The following ASB3 variants were observed in gnomAD, a reference collection of about 807,000 sequenced individuals.
The protein encoded by ASB3 is ankyrin repeat and SOCS box containing 3.
Under a neutral mutation model 54.5 loss-of-function variants are expected in ASB3, and 41 were observed. The ratio of observed to expected loss-of-function variants is 0.75; its 90% CI spans 0.59 to 0.98. The LOEUF (loss-of-function observed/expected upper bound fraction) is 0.98, where lower values mean the gene tolerates loss of function less well. ASB3 is among the 50% of genes least tolerant of loss of function. The probability of loss-of-function intolerance (pLI) is 0.00; values close to 1 mark genes in which losing one functional copy is unlikely to be tolerated. For synonymous variants in ASB3, 266 were observed against 221.2 expected (o/e 1.20, Z -1.80); for missense variants, 733 against 620.0 (o/e 1.18, Z -1.94).
chr2:53,714,676 C>G (rs1670289563), intron 6 of ASB3, 95 bp from the exon 7 acceptor site: 1 of 1,261,646 alleles, frequency 7.9e-7, no homozygotes, highest in Non-Finnish European at 1.1e-6. Context: ...GAATTACCAA[C>G]TGATTCATTT....
rs1159373294 is a variant in ASB3 at position 53,729,503 on chromosome 2, G to T, written c.423C>A (p.Ser141=). 6.2e-7 allele frequency: 1 copy of T among 1,613,768 alleles called. No individual in the cohort carries two copies. The highest frequency in any genetic ancestry group is 1.7e-4 in the Middle Eastern group (1 of 6,058). The change falls in exon 4 of 10, where the codon TCC becomes TCA. Residue 141 remains serine (S), a synonymous_variant. Transcript: ENST00000263634. ...LLQHGANVNG[S]HSMCGWNSLH... ...AGGAGTTCCATCCACACATAGAATG[G>T]GATCCATTAACATTTGCTCCGTGTT...
chr2:53,730,916 A>T (rs1671271439), intron 3 of ASB3, among the ~76,000 whole-genome samples: 1 of 152,218 alleles, frequency 6.6e-6, no homozygotes, highest in Non-Finnish European at 1.5e-5. Flanking sequence ...CATTTGGATA[A>T]TGAGTCACAT....
At chr2:53,733,230 G>A (rs2103926206) in intron 3 of ASB3, among the ~76,000 whole-genome samples, 1 of 152,294 alleles carries the variant, frequency 6.6e-6, no homozygotes, top group Middle Eastern at 3.4e-3. Context: ...TAGATGTAGA[G>A]AGAATGATAC....
chr2:53,713,895 AGAGT>A (rs1439870251), intron 7 of ASB3, among the ~76,000 whole-genome samples: 3 of 152,144 alleles, frequency 2.0e-5, no homozygotes, highest in Non-Finnish European at 4.4e-5. Context: ...CCCGGGCCAC[AGAGT>A]GAGACCCTGT....
intron 5 of ASB3, among the ~76,000 whole-genome samples, chr2:53,724,992 G>T (rs548123614): frequency 1.3e-5 from 2 of 151,940 alleles, no homozygotes; most frequent in African/African-American, 4.8e-5. Context: ...TGTTCATCAC[G>T]GCACCATTCA....
At chr2:53,679,846 G>A (rs1444335968) in intron 9 of ASB3, among the ~76,000 whole-genome samples, 1 of 152,046 alleles carries the variant, frequency 6.6e-6, no homozygotes, top group African/African-American at 2.4e-5. Context: ...TTGTCACCCA[G>A]GTATTAAGCC....
At chr2:53,781,760 G>T (rs924094171) in intron 1 of ASB3, among the ~76,000 whole-genome samples, 1 of 152,326 alleles carries the variant, frequency 6.6e-6, no homozygotes, top group East Asian at 1.9e-4. Context: ...CTCCCAAAGT[G>T]CTGGGATTAC....
intron 8 of ASB3, among the ~76,000 whole-genome samples, chr2:53,699,744 C>T (rs1669381261): frequency 6.6e-6 from 1 of 152,246 alleles, no homozygotes; most frequent in African/African-American, 2.4e-5. Context: ...TTCTTGCCCC[C>T]CAAAAAATTC....
chr2:53,748,856 G>A (rs1186951598), intron 3 of ASB3, among the ~76,000 whole-genome samples: 1 of 152,054 alleles, frequency 6.6e-6, no homozygotes, highest in East Asian at 1.9e-4. Context: ...AAAATTGAAT[G>A]AGGGCTGTAG....
At chr2:53,776,547 C>A (rs1674348090) in intron 1 of ASB3, among the ~76,000 whole-genome samples, 1 of 152,088 alleles carries the variant, frequency 6.6e-6, no homozygotes, top group African/African-American at 2.4e-5. Flanking sequence ...GTGGCTCACA[C>A]CTGTCATCAT....
intron 5 of ASB3, among the ~76,000 whole-genome samples, chr2:53,726,677 C>T (rs1671017279): frequency 6.6e-6 from 1 of 150,716 alleles, no homozygotes; most frequent in African/African-American, 2.5e-5. Flanking sequence ...TATATATATA[C>T]ACATATATAT....
chr2:53,712,353 T>A (rs1670148032), intron 7 of ASB3, among the ~76,000 whole-genome samples: 1 of 152,184 alleles, frequency 6.6e-6, no homozygotes, highest in Non-Finnish European at 1.5e-5. Flanking sequence ...GCTTCCTCAG[T>A]AAGTTTAACA....
chr2:53,699,793 C>T (rs962069354), intron 8 of ASB3, among the ~76,000 whole-genome samples: 1 of 152,142 alleles, frequency 6.6e-6, no homozygotes. Flanking sequence ...GAGGGTTGCC[C>T]TTCTGAGGAA....
intron 2 of ASB3, among the ~76,000 whole-genome samples, chr2:53,764,641 C>T (rs1442645994): frequency 2.0e-5 from 3 of 152,148 alleles, no homozygotes; most frequent in Admixed American, 6.5e-5. Flanking sequence ...CATTTAATAA[C>T]TAGCTGTCCA....
intron 4 of ASB3, among the ~76,000 whole-genome samples, 196 bp downstream of exon 4, chr2:53,729,262 T>C (rs1305569764): frequency 1.3e-5 from 2 of 152,190 alleles, no homozygotes; most frequent in South Asian, 4.1e-4. Context: ...ATAATCCCTA[T>C]AGCCCAAAGC....
At chr2:53,779,673 G>C (rs982893906) in intron 1 of ASB3, among the ~76,000 whole-genome samples, 1 of 152,138 alleles carries the variant, frequency 6.6e-6, no homozygotes, top group African/African-American at 2.4e-5. Flanking sequence ...CTGAGCTCAA[G>C]TGATCCACCT....
At chr2:53,709,177 C>G (rs1669953871) in intron 7 of ASB3, among the ~76,000 whole-genome samples, 1 of 152,188 alleles carries the variant, frequency 6.6e-6, no homozygotes, top group African/African-American at 2.4e-5. Flanking sequence ...TGGGCCAGGC[C>G]CAGTGCCCCA....
At chr2:53,682,324 T>C (rs1668418556) in intron 9 of ASB3, among the ~76,000 whole-genome samples, 1 of 152,246 alleles carries the variant, frequency 6.6e-6, no homozygotes, top group Non-Finnish European at 1.5e-5. Flanking sequence ...ATTTCCTCTT[T>C]TGATGTATCC....
chr2:53,689,060 T>C (rs940848185), intron 9 of ASB3, among the ~76,000 whole-genome samples: 43 of 152,198 alleles, frequency 2.8e-4, no homozygotes, highest in Non-Finnish European at 4.9e-4. Context: ...ATTTTAAATA[T>C]GTCATAAATC....
Sources: gnomAD v4.1 joint callset for allele counts (sites outside exome capture counted in the v4.1 genomes callset) on GRCh38, gnomAD v4.1.1 for gene constraint, MANE v1.5 for transcripts, NCBI Gene and HGNC (gene_info 2026-07-23, HGNC 2026-07-21) for gene names.